CUBN: variants seen among roughly 807,000 people sequenced by gnomAD.
CUBN encodes 460 kDa receptor.
A neutral mutation model predicts 405.3 loss-of-function variants in CUBN; 282 were observed. The observed-to-expected ratio is 0.70, with a 90% CI of 0.63 to 0.77. The LOEUF is 0.77. CUBN is among the 30% of genes least tolerant of loss of function. The pLI is 0.00. For synonymous variants in CUBN, 1,684 were observed against 1,617.0 expected, an observed-to-expected ratio of 1.04 and a Z score of -0.99; for missense variants, 4,514 against 4,475.2, an observed-to-expected ratio of 1.01 and a Z score of -0.25.
intron 6 of CUBN, among the ~76,000 whole-genome samples, chr10:17,121,455 C>A (rs946658841): frequency 1.4e-4 from 20 of 145,980 alleles, no homozygotes; most frequent in African/African-American, 4.6e-4. Flanking sequence ...GACAAAAAAC[C>A]AAACACCGCA....
chr10:16,842,143 C>T (rs1357179848), intron 60 of CUBN, among the ~76,000 whole-genome samples: 2 of 151,438 alleles, frequency 1.3e-5, no homozygotes, highest in African/African-American at 4.9e-5. Flanking sequence ...CTTCTGGGCT[C>T]AAGTGATCCT....
chr10:16,983,870 G>T (rs1040487023), intron 30 of CUBN, among the ~76,000 whole-genome samples: 1 of 152,172 alleles, frequency 6.6e-6, no homozygotes, highest in African/African-American at 2.4e-5. Flanking sequence ...CCCTAGTTCT[G>T]CTCTCACCAT....
chr10:17,017,748 G>A (rs946352267), intron 28 of CUBN, among the ~76,000 whole-genome samples: 1 of 152,152 alleles, frequency 6.6e-6, no homozygotes, highest in African/African-American at 2.4e-5. Flanking sequence ...AGGTAACAGA[G>A]TCCTGGAGTT....
Position 16,916,102 on chromosome 10 carries a change from T to C in CUBN, c.7001-72A>G. On this transcript the variant is annotated intron_variant, in intron 45 of 66. Transcript: ENST00000377833. ...AGAAAGATTGATTCTATTACAAATT[T>C]TGTTTTCTTCATTTCACCAGCACAT... 2.0e-6 allele frequency: 3 copies of C among 1,508,756 alleles called. No homozygotes were observed. The Middle Eastern group carries it at 5.8e-4, about 290-fold the overall frequency. The allele number at this position is 1,508,756 out of a possible 1,614,324, so 93.5% of individuals were successfully genotyped here.
intron 14 of CUBN, among the ~76,000 whole-genome samples, chr10:17,096,165 C>G (rs4748348): frequency 0.76 from 115,780 of 151,916 alleles, 45,868 homozygotes; most frequent in Non-Finnish European, 0.9. Flanking sequence ...TGGTCAAAGG[C>G]TAAAACGTTT....
At chr10:17,011,290 T>A (rs143806399) in intron 28 of CUBN, among the ~76,000 whole-genome samples, 1 of 152,254 alleles carries the variant, frequency 6.6e-6, no homozygotes, top group Non-Finnish European at 1.5e-5. Flanking sequence ...AAAGATGGTG[T>A]GTCCAGAGTT....
chr10:17,052,381 A>G (rs1835289081), intron 22 of CUBN, among the ~76,000 whole-genome samples: 1 of 152,160 alleles, frequency 6.6e-6, no homozygotes. Flanking sequence ...ATAAATATAA[A>G]TGATAGGCTT....
chr10:17,090,809 G>C (rs1294755400), intron 14 of CUBN, among the ~76,000 whole-genome samples: 1 of 128,228 alleles, frequency 7.8e-6, no homozygotes, highest in African/African-American at 3.0e-5. Flanking sequence ...TATGAGAGAA[G>C]AGGTAGAAAT....
At chr10:17,127,753 C>G (rs921287972) in intron 3 of CUBN, 76 bp downstream of exon 3, 1 of 1,008,086 alleles carries the variant, frequency 9.9e-7, no homozygotes, top group South Asian at 1.4e-5. Context: ...GTTGGTATAT[C>G]CCCTACAAAA....
intron 60 of CUBN, among the ~76,000 whole-genome samples, chr10:16,845,785 C>A (rs566945105): frequency 6.6e-6 from 1 of 152,330 alleles, no homozygotes; most frequent in South Asian, 2.1e-4. Context: ...CAAAGATGGA[C>A]AGCCCCTCCT....
chr10:16,913,557 C>T (rs1265344008), intron 48 of CUBN, among the ~76,000 whole-genome samples: 2 of 152,188 alleles, frequency 1.3e-5, no homozygotes, highest in Non-Finnish European at 2.9e-5. Flanking sequence ...TGCCATTTGT[C>T]GTGATCATTC....
At position 16,873,103 on chromosome 10, in the gene CUBN, G is replaced by GAGGTAGGT. The variant is rs45547642; in HGVS notation, c.9236+1263_9236+1270dup. Among the ~76,000 whole-genome samples the GAGGTAGGT allele has an allele frequency of 6.6e-5, 10 of 152,176 alleles. No individual in the cohort carries two copies. The South Asian group carries it at 1.2e-3, about 19-fold the overall frequency. ...AAAATGATCACAGACAAATAGAGGG[G>GAGGTAGGT]AGGTAGGTAGGTAGGTAGGTAGGTA... On this transcript the variant is annotated intron_variant, in intron 58 of 66. Transcript: ENST00000377833.
chr10:16,935,012 T>C (rs943034237), intron 39 of CUBN, among the ~76,000 whole-genome samples: 5 of 152,236 alleles, frequency 3.3e-5, no homozygotes, highest in African/African-American at 1.2e-4. Flanking sequence ...TTTCCTTCAG[T>C]TGACCCTAGT....
intron 27 of CUBN, among the ~76,000 whole-genome samples, chr10:17,039,654 T>G (rs1264106394): frequency 6.6e-6 from 1 of 152,186 alleles, no homozygotes; most frequent in African/African-American, 2.4e-5. Context: ...CTGGTATCAT[T>G]AAGCTTGTGA....
intron 50 of CUBN, among the ~76,000 whole-genome samples, chr10:16,904,831 G>A (rs112718794): frequency 0.02 from 2,995 of 152,300 alleles, 46 homozygotes; most frequent in Middle Eastern, 0.041. Context: ...ACCACAAGCC[G>A]GTGGTTTTGA....
At chr10:16,960,902 G>A (rs1364858807) in intron 31 of CUBN, among the ~76,000 whole-genome samples, 4 of 152,102 alleles carry the variant, frequency 2.6e-5, no homozygotes, top group Non-Finnish European at 5.9e-5. Flanking sequence ...TCACCAACAG[G>A]GTGAGAGAAG....
At position 16,925,586 on chromosome 10, in the gene CUBN, C is replaced by G. The variant is rs761775421; in HGVS notation, c.6460G>C (p.Val2154Leu). 4 of 1,613,858 alleles carry G rather than the reference C, an allele frequency of 2.5e-6. No individual in the cohort carries two copies. Among genetic ancestry groups the G allele is most frequent in the Non-Finnish European group, 3.4e-6 (4 of 1,179,940 alleles). ...DSSCNQGDYL[V>L]LRNGPDICSP... is the part of the protein sequence containing the mutation. ...GAAAGGGTAGCAGCAAGACCTACCACCAAGTAATCCCCCTGGTTGCAAGAA... is the reference window on the plus strand; with the variant it reads ...GAAAGGGTAGCAGCAAGACCTACCAGCAAGTAATCCCCCTGGTTGCAAGAA... Residue 2154 changes from valine to leucine, a missense_variant and splice_region_variant, in exon 42 of 67, where the codon GTG becomes CTG. Coordinates refer to ENST00000377833, the MANE Select transcript of CUBN (RefSeq NM_001081.4).
intron 59 of CUBN, among the ~76,000 whole-genome samples, chr10:16,865,306 T>A (rs1325685390): frequency 6.6e-6 from 1 of 152,128 alleles, no homozygotes; most frequent in African/African-American, 2.4e-5. Flanking sequence ...GGACTGTAAT[T>A]CATTCTGTCC....
Position 17,129,188 on chromosome 10 carries a change from T to G in CUBN, c.185A>C (p.Glu62Ala). The change falls in exon 2 of 67, where the codon GAG becomes GCG. Residue 62 changes from glutamate to alanine, a missense_variant. By Grantham distance (107) the Glu-to-Ala change is moderately radical. Coordinates refer to ENST00000377833, the MANE Select transcript of CUBN (RefSeq NM_001081.4). ...TTTTCCCAGGGATCCGGTTCTAAAC[T>G]CAATGTTTTGAGCAGACCCCGTAAG... The part of the protein sequence containing the change: ...VFLTGSAQNI[E>A]FRTGSLGKIK... 6.2e-7 allele frequency: 1 copy of G among 1,613,484 alleles called. No individual in the cohort carries two copies. Among genetic ancestry groups the G allele is most frequent in the South Asian group, 1.1e-5 (1 of 91,070 alleles).
Sources: allele counts gnomAD v4.1 joint callset (sites outside exome capture counted in the v4.1 genomes callset), GRCh38; gene constraint gnomAD v4.1.1; transcripts MANE v1.5; gene names NCBI Gene and HGNC (gene_info 2026-07-23, HGNC 2026-07-21).